Variants in FAM186A observed in about 807,000 individuals in gnomAD.
FAM186A encodes family with sequence similarity 186 member A.
FAM186A carries 163 observed loss-of-function variants against 216.8 expected under a neutral mutation model. The ratio of observed to expected loss-of-function variants is 0.75; its 90% confidence interval spans 0.66 to 0.86. The LOEUF is 0.86. Among genes scored for constraint, FAM186A ranks in the 40% least tolerant of loss-of-function variants. The pLI, the probability that FAM186A is intolerant of heterozygous loss-of-function variation, is 0.00. For synonymous variants in FAM186A, 805 were observed against 1,025.3 expected, an observed-to-expected ratio of 0.79 and a Z score of 4.10; for missense variants, 2,184 against 2,746.2, an observed-to-expected ratio of 0.80 and a Z score of 4.58.
At chr12:50,395,122 T>A (rs149466766) in intron 1 of FAM186A, among the ~76,000 whole-genome samples, 180 of 152,222 alleles carry the variant, frequency 1.2e-3, no homozygotes, top group Admixed American at 2.8e-3. Context: ...TGAGACAGGG[T>A]CTCGCTATGT....
At chr12:50,348,121 T>C (rs1051007925) in intron 4 of FAM186A, among the ~76,000 whole-genome samples, 2 of 142,966 alleles carry the variant, frequency 1.4e-5, no homozygotes, top group Non-Finnish European at 3.0e-5. Context: ...CTCTGCTCAC[T>C]GCAACCTCCA....
chr12:50,395,485 C>A (rs1362453554), intron 1 of FAM186A, among the ~76,000 whole-genome samples: 1 of 151,806 alleles, frequency 6.6e-6, no homozygotes, highest in Admixed American at 6.6e-5. Flanking sequence ...ATTTATTTTT[C>A]TAAAAATATA....
chr12:50,369,707 G>C (rs939239556), intron 1 of FAM186A, among the ~76,000 whole-genome samples: 11 of 151,926 alleles, frequency 7.2e-5, no homozygotes, highest in African/African-American at 2.4e-4. Context: ...ACCCAAATAG[G>C]CTGTGCACTG....
In FAM186A at chr12:50,350,733, A is replaced by G; in HGVS notation, c.6099T>C (p.Asp2033=). ...RTPVYQTPYT[D]ERALLTLMKP... ...TCATGAGAGTGAGAAGGGCCCTTTC[A>G]TCAGTGTAAGGGGTTTGGTATACTG... Residue 2033 remains aspartate, a synonymous_variant, in exon 4 of 8, where the codon GAT becomes GAC. Transcript: ENST00000327337. 2 of 1,551,662 alleles carry G rather than the reference A, an allele frequency of 1.3e-6. No individual in the cohort carries two copies. Among genetic ancestry groups the G allele is most frequent in the East Asian group, 2.4e-5 (1 of 40,926 alleles).
At position 50,331,671 on chromosome 12, in the gene FAM186A, T is replaced by A. The variant is rs1236833125; in HGVS notation, c.6847A>T (p.Arg2283Trp). 2 of 1,538,692 alleles carry A rather than the reference T, an allele frequency of 1.3e-6. No individual in the cohort carries two copies. The highest frequency in any genetic ancestry group is 4.3e-5 in the Admixed American group (2 of 46,226). Reference sequence around the variant, plus strand: ...AATATCAGTCTTTCTAGCACATACCTAAATTTCTTGCATATGTCAGAGGTT... The same window carrying A: ...AATATCAGTCTTTCTAGCACATACCAAAATTTCTTGCATATGTCAGAGGTT... Reference protein sequence around the residue: ...DRTSDICKKFRQQEDQTEAIW... With the variant: ...DRTSDICKKFWQQEDQTEAIW... Residue 2283 changes from arginine to tryptophan, a missense_variant and splice_region_variant, in exon 6 of 8, where the codon AGG becomes TGG. Physicochemically the swap from Arg to Trp is moderately radical, Grantham distance 101 (BLOSUM62 -3). Coordinates refer to ENST00000327337, the MANE Select transcript of FAM186A (RefSeq NM_001145475.3).
chr12:50,391,918 A>C (rs1943360652), intron 1 of FAM186A, among the ~76,000 whole-genome samples: 1 of 152,138 alleles, frequency 6.6e-6, no homozygotes, highest in Admixed American at 6.6e-5. Context: ...ATAACCCAAA[A>C]CCAGAAACAG....
At chr12:50,371,410 C>A (rs1347066083) in intron 1 of FAM186A, among the ~76,000 whole-genome samples, 1 of 151,966 alleles carries the variant, frequency 6.6e-6, no homozygotes, top group African/African-American at 2.4e-5. Flanking sequence ...AGCCACCGTG[C>A]CCGGCCAACT....
rs1248670560 is a variant in FAM186A, at chr12:50,331,824, A to AT, written c.6697-4dup. The AT allele has an allele frequency of 1.3e-5, 20 of 1,515,090 alleles. No individual in the cohort carries two copies. The highest frequency in any genetic ancestry group is 1.7e-5 in the Non-Finnish European group (19 of 1,137,266). The allele number at this position is 1,515,090 out of a possible 1,614,324, so 93.9% of individuals were successfully genotyped here. On this transcript the variant is annotated splice_region_variant and splice_polypyrimidine_tract_variant and intron_variant, in intron 5 of 7. Coordinates refer to ENST00000327337, the MANE Select transcript of FAM186A (RefSeq NM_001145475.3). Reference sequence around the variant, plus strand: ...TTCAATTCATGTATCTTTTTGAGCTATAAAAAAAAATAGATCAGAAAAAGG... The same window carrying AT: ...TTCAATTCATGTATCTTTTTGAGCTATTAAAAAAAAATAGATCAGAAAAAGG...
chr12:50,357,975 CATAAATAAATAA>C (rs5798138), intron 3 of FAM186A, among the ~76,000 whole-genome samples: 2,624 of 149,792 alleles, frequency 0.018, 80 homozygotes, highest in African/African-American at 0.061. Context: ...GAGACTGTCT[CATAAATAAATAA>C]ATAAATAAAT....
intron 1 of FAM186A, among the ~76,000 whole-genome samples, chr12:50,385,901 C>CAAA (rs553073707): frequency 8.1e-6 from 1 of 122,850 alleles, no homozygotes; most frequent in Non-Finnish European, 1.7e-5. Context: ...GACTCCATCT[C>CAAA]AAAAAAAAAA....
intron 1 of FAM186A, among the ~76,000 whole-genome samples, chr12:50,371,513 A>C (rs1348329043): frequency 2.6e-5 from 4 of 152,218 alleles, no homozygotes; most frequent in Admixed American, 2.6e-4. Context: ...TGAACCTTGA[A>C]CAGACTATGC....
Position 50,333,943 on chromosome 12 carries a change from A to G in FAM186A, c.6664T>C (p.Cys2222Arg). Residue 2222 changes from cysteine (C) to arginine (R), a missense_variant, in exon 5 of 8, where the codon TGC becomes CGC. By Grantham distance (180) the Cys-to-Arg change is radical. Coordinates refer to ENST00000327337, the MANE Select transcript of FAM186A (RefSeq NM_001145475.3). ...QKSLGQKRNQ[C>R]LKKMIHVFNQ... ...AATACGTGTATCATTTTCTTCAGGC[A>G]CTGATTCCGTTTCTGCCCTAGAGAC... The G allele has an allele frequency of 6.4e-7, 1 of 1,551,350 alleles. No individual in the cohort carries two copies. The highest frequency in any genetic ancestry group is 8.7e-7 in the Non-Finnish European group (1 of 1,146,938).
chr12:50,385,823 AC>A (rs1307519005), intron 1 of FAM186A, among the ~76,000 whole-genome samples: 2 of 151,454 alleles, frequency 1.3e-5, no homozygotes, highest in Admixed American at 6.6e-5. Context: ...AATTGCTTGA[AC>A]CCAGGAGGTG....
rs1292722921 is a variant in FAM186A, at chr12:50,353,651, C to G, written c.3181G>C (p.Ala1061Pro). 2.0e-6 allele frequency: 3 copies of G among 1,535,870 alleles called. No homozygotes were observed. Among genetic ancestry groups the G allele is most frequent in the Non-Finnish European group, 2.6e-6 (3 of 1,140,856 alleles). ...AGAGGCTGGCCAGAAATAGGAAGAG[C>G]TCCAGGCAGGGAGTATTGTAGGGAG... Reference protein sequence around the residue: ...PPSLQYSLPGALPISGQPLTK... With the variant: ...PPSLQYSLPGPLPISGQPLTK... Residue 1061 changes from alanine to proline, a missense_variant, in exon 4 of 8, where the codon GCT (alanine) becomes CCT (proline). This residue lies in a region of FAM186A where 1,132 missense variants were observed against 1,263.4 expected (regional missense o/e 0.90). Transcript: ENST00000327337.
At chr12:50,395,152 G>A (rs1342149933) in intron 1 of FAM186A, among the ~76,000 whole-genome samples, 1 of 152,178 alleles carries the variant, frequency 6.6e-6, no homozygotes, top group African/African-American at 2.4e-5. Context: ...TGAGTGGGGT[G>A]CAGTAGTGCA....
intron 4 of FAM186A, among the ~76,000 whole-genome samples, chr12:50,347,630 G>A (rs1172996733): frequency 2.0e-5 from 3 of 151,638 alleles, no homozygotes; most frequent in South Asian, 2.1e-4. Context: ...GAGGCTGAGG[G>A]CAGGAGAATC....
chr12:50,373,026 A>G lies in FAM186A; in HGVS notation c.193-9662T>C, dbSNP rs1267286343. Among the ~76,000 whole-genome samples, 388 of 147,222 alleles carry G rather than the reference A, an allele frequency of 2.6e-3. 3 individuals are homozygous for G. Among genetic ancestry groups the G allele is most frequent in the East Asian group, 7.8e-3 (39 of 4,976 alleles). ...AAGAAAGAAAGAAAGAAAGAAAGAA[A>G]GAAAGAAAGAAAGAAAGAAAGAAAG... is the stretch of plus-strand genomic sequence containing the variant. On this transcript the variant is annotated intron_variant, in intron 1 of 7. Transcript: ENST00000327337.
intron 1 of FAM186A, among the ~76,000 whole-genome samples, chr12:50,383,349 C>T (rs549818443): frequency 1.4e-5 from 2 of 146,954 alleles, no homozygotes; most frequent in African/African-American, 2.5e-5. Flanking sequence ...GTAATCCCAG[C>T]ACTTTGGGAG....
At chr12:50,384,810 T>A (rs1048568989) in intron 1 of FAM186A, among the ~76,000 whole-genome samples, 21 of 151,964 alleles carry the variant, frequency 1.4e-4, no homozygotes, top group African/African-American at 4.3e-4. Flanking sequence ...GGATTAGAGT[T>A]TTTGTTTTTT....
Sources: gnomAD v4.1 joint callset for allele counts (sites outside exome capture counted in the v4.1 genomes callset) on GRCh38, gnomAD v4.1.1 for gene constraint, gnomAD v4.1.1 regional missense constraint, MANE v1.5 for transcripts, NCBI Gene and HGNC (gene_info 2026-07-23, HGNC 2026-07-21) for gene names.